Variants in CACNA1E observed in about 807,000 individuals in gnomAD.
CACNA1E encodes calcium voltage-gated channel subunit alpha1 E, also known as voltage-dependent R-type calcium channel subunit alpha-1E.
A neutral mutation model predicts 259.2 loss-of-function variants in CACNA1E; 40 were observed. The observed-to-expected ratio is 0.15, with a 90% CI of 0.12 to 0.20. The LOEUF is 0.20. Among genes scored for constraint, CACNA1E ranks in the 10% least tolerant of loss-of-function variants. The probability of loss-of-function intolerance (pLI) is 1.00; values close to 1 mark genes in which losing one functional copy is unlikely to be tolerated. For missense variants in CACNA1E, 1,874 were observed against 3,040.1 expected, an observed-to-expected ratio of 0.62 and a Z score of 9.02; for synonymous variants, 1,104 against 1,138.5, an observed-to-expected ratio of 0.97 and a Z score of 0.61.
At chr1:181,507,170 A>G (rs2102599263) in intron 1 of CACNA1E, among the ~76,000 whole-genome samples, 2 of 152,304 alleles carry the variant, frequency 1.3e-5, no homozygotes, top group African/African-American at 4.8e-5. Flanking sequence ...GAACCTGTGA[A>G]TTACCAAACT....
chr1:181,726,106 A>G lies in CACNA1E; in HGVS notation c.2184A>G (p.Ala728=). 6.8e-6 allele frequency: 11 copies of G among 1,613,276 alleles called. No individual in the cohort carries two copies. The highest frequency in any genetic ancestry group is 9.3e-6 in the Non-Finnish European group (11 of 1,179,586). The change falls in exon 18 of 48, where the codon GCA becomes GCG. Residue 728 remains alanine (A), a synonymous_variant. Transcript: ENST00000367573. Reference sequence around the variant, plus strand: ...AAGAGGCCTTCAACCAGAAACATGCACTGCAGAAGGCCAAGGAGGTCAGCC... The same window carrying G: ...AAGAGGCCTTCAACCAGAAACATGCGCTGCAGAAGGCCAAGGAGGTCAGCC... The part of the protein sequence containing the change: ...EEEEAFNQKH[A]LQKAKEVSPM...
chr1:181,450,384 A>C (rs1293268374), intron 2 of CACNA1E, among the ~76,000 whole-genome samples: 2 of 151,836 alleles, frequency 1.3e-5, no homozygotes, highest in Non-Finnish European at 2.9e-5. Flanking sequence ...TACAAGCTAA[A>C]CCTAAAAACA....
chr1:181,476,738 G>A (rs1208297626), intron 2 of CACNA1E, among the ~76,000 whole-genome samples: 1 of 152,206 alleles, frequency 6.6e-6, no homozygotes, highest in East Asian at 1.9e-4. Flanking sequence ...TGTTTTCTGA[G>A]TCAAGAGGCC....
intron 7 of CACNA1E, among the ~76,000 whole-genome samples, chr1:181,672,496 T>C (rs1648911812): frequency 6.6e-6 from 1 of 152,250 alleles, no homozygotes; most frequent in Non-Finnish European, 1.5e-5. Context: ...TGTGCTTTTA[T>C]TGATATCTTC....
chr1:181,526,503 G>T (rs947550846), intron 3 of CACNA1E, among the ~76,000 whole-genome samples: 2 of 151,906 alleles, frequency 1.3e-5, no homozygotes, highest in East Asian at 1.9e-4. Context: ...CCATCCAAGG[G>T]AATATAAAAC....
chr1:181,466,577 G>A (rs938304969), intron 2 of CACNA1E, among the ~76,000 whole-genome samples: 2 of 142,412 alleles, frequency 1.4e-5, no homozygotes, highest in Non-Finnish European at 3.1e-5. Flanking sequence ...ACAAAGCAAA[G>A]CAAAGCAAAA....
chr1:181,373,122 AT>A (rs1390170813), intron 1 of CACNA1E, among the ~76,000 whole-genome samples: 1 of 152,002 alleles, frequency 6.6e-6, no homozygotes, highest in African/African-American at 2.4e-5. Flanking sequence ...TCTCTGACAG[AT>A]TTTGGTATCA....
chr1:181,598,280 G>T (rs139280234), intron 6 of CACNA1E, among the ~76,000 whole-genome samples: 3,626 of 152,336 alleles, frequency 0.024, 50 homozygotes, highest in Non-Finnish European at 0.036. Context: ...AGGGAGACAA[G>T]ACATGCTTGT....
At chr1:181,563,589 T>G (rs562635549) in intron 3 of CACNA1E, among the ~76,000 whole-genome samples, 77 of 152,320 alleles carry the variant, frequency 5.1e-4, no homozygotes, top group African/African-American at 1.8e-3. Flanking sequence ...AGAAGAGGAC[T>G]CTGGCTTGCT....
At chr1:181,391,980 T>TG (rs1656334318) in intron 1 of CACNA1E, among the ~76,000 whole-genome samples, 3 of 150,800 alleles carry the variant, frequency 2.0e-5, no homozygotes, top group African/African-American at 4.9e-5. Context: ...TGTGTGTGTG[T>TG]TTAGTGGAAG....
chr1:181,651,927 A>C (rs1658796404), intron 7 of CACNA1E: 1 of 153,760 alleles, frequency 6.5e-6, no homozygotes, highest in African/African-American at 2.4e-5. Context: ...GGAGCACACA[A>C]AGTATAAGGT....
chr1:181,716,474 T>C, intron 10 of CACNA1E, among the ~76,000 whole-genome samples: 1 of 152,192 alleles, frequency 6.6e-6, no homozygotes, highest in Non-Finnish European at 1.5e-5. Flanking sequence ...CAAAGGATCC[T>C]GAGGACCTGT....
intron 1 of CACNA1E, among the ~76,000 whole-genome samples, chr1:181,494,582 A>C (rs562451648): frequency 2.3e-4 from 35 of 152,182 alleles, no homozygotes; most frequent in Non-Finnish European, 4.9e-4. Flanking sequence ...GCATCTACCA[A>C]ATTTCAGGCT....
chr1:181,620,971 C>CAA (rs1458279396), intron 6 of CACNA1E, among the ~76,000 whole-genome samples: 1 of 152,046 alleles, frequency 6.6e-6, no homozygotes, highest in Non-Finnish European at 1.5e-5. Flanking sequence ...GATGGAAAGA[C>CAA]ACTCCAGGAG....
chr1:181,535,844 C>T (rs1261662571), intron 3 of CACNA1E, among the ~76,000 whole-genome samples: 1 of 151,946 alleles, frequency 6.6e-6, no homozygotes, highest in African/African-American at 2.4e-5. Context: ...TGCACTATCA[C>T]CCCGGCTAAT....
chr1:181,491,044 C>G (rs1440509980), intron 1 of CACNA1E, among the ~76,000 whole-genome samples: 4 of 152,232 alleles, frequency 2.6e-5, no homozygotes, highest in African/African-American at 9.6e-5. Context: ...TTCAAACTTT[C>G]TGTGCCTCTT....
In CACNA1E at chr1:181,511,362, T is replaced by C. The variant is rs1666150636; in HGVS notation, c.373-9T>C. On this transcript the variant is annotated splice_polypyrimidine_tract_variant and intron_variant, in intron 2 of 47. Transcript: ENST00000367573. Reference sequence around the variant, plus strand: ...TTCTCACTGGTGCTTCTGCTCCTCATCCCCACAGGAGAAGACAGAACCTTA... The same window carrying C: ...TTCTCACTGGTGCTTCTGCTCCTCACCCCCACAGGAGAAGACAGAACCTTA... 1.2e-6 allele frequency: 2 copies of C among 1,613,734 alleles called. No homozygotes were observed. The highest frequency in any genetic ancestry group is 1.7e-6 in the Non-Finnish European group (2 of 1,179,828).
intron 25 of CACNA1E, among the ~76,000 whole-genome samples, chr1:181,747,068 A>G (rs1558339487): frequency 6.6e-6 from 1 of 152,272 alleles, no homozygotes; most frequent in Non-Finnish European, 1.5e-5. Flanking sequence ...GTCCAGACAC[A>G]TTAGTGAGAC....
At chr1:181,353,084 C>A (rs1003853556) in intron 1 of CACNA1E, among the ~76,000 whole-genome samples, 1 of 152,176 alleles carries the variant, frequency 6.6e-6, no homozygotes, top group Non-Finnish European at 1.5e-5. Context: ...CTGTATCTAA[C>A]ACAGATCGTT....
Sources: gnomAD v4.1 joint callset for allele counts (sites outside exome capture counted in the v4.1 genomes callset) on GRCh38, gnomAD v4.1.1 for gene constraint, MANE v1.5 for transcripts, NCBI Gene and HGNC (gene_info 2026-07-23, HGNC 2026-07-21) for gene names.